NINJ2: variants seen among roughly 807,000 people sequenced by gnomAD.
NINJ2 encodes the protein ninjurin-2.
NINJ2 carries 12 observed loss-of-function variants against 11.7 expected under a neutral mutation model. The observed-to-expected ratio is 1.02, with a 90% CI of 0.66 to 1.66. The LOEUF (loss-of-function observed/expected upper bound fraction) is 1.66, where lower values mean the gene tolerates loss of function less well. NINJ2 is among the 40% of genes most tolerant of loss of function. The pLI is 0.00. For missense variants in NINJ2, 187 were observed against 181.8 expected (o/e 1.03, Z -0.16); for synonymous variants, 93 against 76.8 (o/e 1.21, Z -1.10).
At chr12:651,377 C>T (rs1382707683) in intron 1 of NINJ2, among the ~76,000 whole-genome samples, 1 of 152,138 alleles carries the variant, frequency 6.6e-6, no homozygotes, top group Non-Finnish European at 1.5e-5. Flanking sequence ...TGTCCTGACC[C>T]ACCTAAGGTG....
At chr12:607,002 T>A (rs1360648163) in intron 1 of NINJ2, among the ~76,000 whole-genome samples, 1 of 152,250 alleles carries the variant, frequency 6.6e-6, no homozygotes, top group East Asian at 1.9e-4. Context: ...GAGGCCCGGC[T>A]GCAATCCTGT....
chr12:566,990 C>T (rs1469378333), intron 1 of NINJ2, among the ~76,000 whole-genome samples: 1 of 152,242 alleles, frequency 6.6e-6, no homozygotes, highest in African/African-American at 2.4e-5. Flanking sequence ...TCTGCAGTCA[C>T]TCAAGAGTAC....
intron 1 of NINJ2, among the ~76,000 whole-genome samples, chr12:615,009 C>G (rs1948074311): frequency 6.6e-6 from 1 of 152,220 alleles, no homozygotes; most frequent in Non-Finnish European, 1.5e-5. Context: ...CAGGAGGATT[C>G]TGCACTCCCA....
In NINJ2 at chr12:621,484, A is replaced by C. The variant is rs553959978; in HGVS notation, c.33+41844T>G. Among the ~76,000 whole-genome samples, 7 of 151,714 alleles carry C rather than the reference A, an allele frequency of 4.6e-5. No individual in the cohort carries two copies. The South Asian group carries it at 1.5e-3, about 32-fold the overall frequency. ...AAAGAAAGAAAAAGAAAAAAAAAGA[A>C]AGAAAGAAAAGAAAAAGAAAAGAAA... On this transcript the variant is annotated intron_variant, in intron 1 of 3. Coordinates refer to ENST00000305108, the MANE Select transcript of NINJ2 (RefSeq NM_016533.6).
chr12:591,116 C>CGAGAGTG lies in NINJ2; in HGVS notation c.34-24945_34-24939dup, dbSNP rs912022451. On this transcript the variant is annotated intron_variant, in intron 1 of 3. Coordinates refer to ENST00000305108, the MANE Select transcript of NINJ2 (RefSeq NM_016533.6). The surrounding 1 kb of genome is among the most constrained non-coding windows in gnomAD (Gnocchi z 5.0). ...GAGGTGGCAGAGAAAAGAAGTTCAG[C>CGAGAGTG]GAGAGTGGTGCCTCTTTTCAAAATG... 2 of 152,236 alleles carry CGAGAGTG rather than the reference C, an allele frequency of 1.3e-5. No homozygotes were observed. The highest frequency in any genetic ancestry group is 1.3e-4 in the Admixed American group (2 of 15,278). 9.4% of individuals were successfully genotyped at this position (152,236 alleles called of 1,614,324 possible).
intron 1 of NINJ2, among the ~76,000 whole-genome samples, chr12:653,582 C>G (rs1245096480): frequency 2.0e-5 from 3 of 151,818 alleles, no homozygotes; most frequent in Non-Finnish European, 4.4e-5. Flanking sequence ...TACTTGTAAA[C>G]TGCAAACTCC....
intron 1 of NINJ2, among the ~76,000 whole-genome samples, chr12:616,655 A>G (rs926954861): frequency 6.6e-6 from 1 of 152,252 alleles, no homozygotes; most frequent in African/African-American, 2.4e-5. Flanking sequence ...CTTCTTGACT[A>G]CAAAATGGGC....
intron 1 of NINJ2, among the ~76,000 whole-genome samples, chr12:661,926 A>G (rs1937963268): frequency 6.6e-6 from 1 of 152,248 alleles, no homozygotes; most frequent in African/African-American, 2.4e-5. Context: ...TGCAGCAGTG[A>G]ATAAAACAGG....
intron 3 of NINJ2, 22 bp downstream of exon 3, chr12:565,195 G>C: frequency 6.3e-7 from 1 of 1,583,098 alleles, no homozygotes; most frequent in Non-Finnish European, 8.6e-7. Context: ...CCTGGAGCTG[G>C]GGTTCCTCCA....
At chr12:619,121 G>A (rs1332990251) in intron 1 of NINJ2, among the ~76,000 whole-genome samples, 1 of 152,192 alleles carries the variant, frequency 6.6e-6, no homozygotes, top group Non-Finnish European at 1.5e-5. Flanking sequence ...TGGCTAGAAG[G>A]AATGGTCCAG....
intron 1 of NINJ2, among the ~76,000 whole-genome samples, chr12:567,324 G>A (rs1489783129): frequency 6.6e-6 from 1 of 151,306 alleles, no homozygotes; most frequent in African/African-American, 2.4e-5. Flanking sequence ...GCTGCGTGGG[G>A]ACAGATGGAT....
Position 565,250 on chromosome 12 carries a change from T to C in NINJ2, c.414A>G (p.Ser138=), listed in dbSNP as rs1168545228. The C allele has an allele frequency of 1.9e-6, 3 of 1,613,712 alleles. No homozygotes were observed. Among genetic ancestry groups the C allele is most frequent in the Non-Finnish European group, 2.5e-6 (3 of 1,179,832 alleles). ...CAGGCTGCATTCAGAGAGGATTCCT[T>C]GAGGCCCTGGCAGCCAGGAACCCTG... ...HKTGFLAARA[S]RNPL The change falls in exon 3 of 4, where the codon TCA becomes TCG. Residue 138 remains serine, a synonymous_variant. Transcript: ENST00000305108.
At chr12:622,088 C>T (rs1360862235) in intron 1 of NINJ2, among the ~76,000 whole-genome samples, 1 of 141,202 alleles carries the variant, frequency 7.1e-6, no homozygotes, top group Non-Finnish European at 1.5e-5. Flanking sequence ...CGCCACTGTA[C>T]TCCATCCTGG....
intron 1 of NINJ2, among the ~76,000 whole-genome samples, chr12:615,061 G>A (rs1948075631): frequency 6.6e-6 from 1 of 152,128 alleles, no homozygotes; most frequent in African/African-American, 2.4e-5. Context: ...GTGTGAATGT[G>A]TAAGGTAGGG....
intron 1 of NINJ2, among the ~76,000 whole-genome samples, chr12:646,123 C>G (rs573781609): frequency 6.6e-6 from 1 of 152,224 alleles, no homozygotes; most frequent in Admixed American, 6.5e-5. Flanking sequence ...GGAAACAGCA[C>G]AGGCAGTACT....
At chr12:634,533 A>C (rs776600459) in intron 1 of NINJ2, among the ~76,000 whole-genome samples, 92 of 152,210 alleles carry the variant, frequency 6.0e-4, no homozygotes, top group Non-Finnish European at 1.2e-3. Context: ...TGCTGGGATT[A>C]CAGGCATGGG....
intron 1 of NINJ2, among the ~76,000 whole-genome samples, chr12:597,357 G>A (rs553790272): frequency 1.1e-3 from 165 of 152,286 alleles, no homozygotes; most frequent in Non-Finnish European, 2.0e-3. Flanking sequence ...AGAGTGTGCG[G>A]CACTCAATAA....
intron 1 of NINJ2, chr12:610,259 C>G: frequency 8.8e-7 from 1 of 1,142,142 alleles, no homozygotes; most frequent in Non-Finnish European, 1.3e-6. Context: ...AACAGCCCCT[C>G]TGGCAGCCCT....
intron 1 of NINJ2, among the ~76,000 whole-genome samples, chr12:596,789 C>T (rs56005408): frequency 9.9e-5 from 15 of 151,846 alleles, no homozygotes; most frequent in South Asian, 6.2e-4. Context: ...CCGGGCGTGG[C>T]GGCGTGTGCC....
Sources: gnomAD v4.1 joint callset for allele counts (sites outside exome capture counted in the v4.1 genomes callset) on GRCh38, gnomAD v4.1.1 for gene constraint, Gnocchi (gnomAD v3.1) non-coding constraint, MANE v1.5 for transcripts, NCBI Gene and HGNC (gene_info 2026-07-23, HGNC 2026-07-21) for gene names.